CACHD1: variants seen among roughly 807,000 people sequenced by gnomAD.
CACHD1 encodes VWFA and cache domain-containing protein 1.
A neutral mutation model predicts 138.7 loss-of-function variants in CACHD1; 71 were observed. The observed-to-expected ratio is 0.51, with a 90% CI of 0.42 to 0.62. The LOEUF (loss-of-function observed/expected upper bound fraction) is 0.62, where lower values mean the gene tolerates loss of function less well. Ranked by LOEUF, CACHD1 falls within the 20% of genes least tolerant of loss-of-function variation. The probability of loss-of-function intolerance (pLI) is 0.00; values close to 1 mark genes in which losing one functional copy is unlikely to be tolerated. For missense variants in CACHD1, 1,389 were observed against 1,625.3 expected (o/e 0.85, Z 2.50); for synonymous variants, 578 against 591.5 (o/e 0.98, Z 0.33).
intron 16 of CACHD1, among the ~76,000 whole-genome samples, chr1:64,669,114 A>C (rs1356702493): frequency 1.3e-5 from 2 of 152,194 alleles, no homozygotes; most frequent in African/African-American, 4.8e-5. Flanking sequence ...AGTCTCCTAG[A>C]ACAGTGCCTG....
intron 15 of CACHD1, among the ~76,000 whole-genome samples, chr1:64,665,410 A>G (rs1050495985): frequency 2.6e-5 from 4 of 152,106 alleles, no homozygotes; most frequent in Non-Finnish European, 4.4e-5. Context: ...CAGTGAGCCA[A>G]GATCACACCA....
At position 64,528,225 on chromosome 1, in the gene CACHD1, A is replaced by T. The variant is rs1002488301; in HGVS notation, c.199-22369A>T. Among the ~76,000 whole-genome samples the T allele has an allele frequency of 5.3e-5, 8 of 152,346 alleles. No individual in the cohort carries two copies. In the East Asian group the frequency reaches 1.5e-3, roughly 29 times the overall value. On this transcript the variant is annotated intron_variant, in intron 1 of 26. Coordinates refer to ENST00000651257, the MANE Select transcript of CACHD1 (RefSeq NM_020925.4). ...CTTTTTCTTTACTGTTTCTGAAAGG[A>T]GGTCCAGCTAATTTACTGCAAATGA...
rs1453614130 is a variant in CACHD1, at chr1:64,503,534, T to TGCTA, written c.198+32594_198+32597dup. Among the ~76,000 whole-genome samples the TGCTA allele has an allele frequency of 9.2e-5, 14 of 152,356 alleles. No homozygotes were observed. The South Asian group carries it at 1.7e-3, about 18-fold the overall frequency. ...CTTACATGTGAATAAAGAGAGTACT[T>TGCTA]GCTAGACTACTTTTTCGGTCAACAT... is the stretch of plus-strand genomic sequence containing the variant. On this transcript the variant is annotated intron_variant, in intron 1 of 26. Coordinates refer to ENST00000651257, the MANE Select transcript of CACHD1 (RefSeq NM_020925.4).
chr1:64,663,612 T>C, intron 13 of CACHD1, 83 bp from the exon 14 acceptor site: 1 of 1,531,986 alleles, frequency 6.5e-7, no homozygotes, highest in South Asian at 1.2e-5. Context: ...GCTGACAGAT[T>C]GGCAGAGCCC....
chr1:64,597,528 T>TG, intron 3 of CACHD1, among the ~76,000 whole-genome samples: 1 of 142,648 alleles, frequency 7.0e-6, no homozygotes, highest in African/African-American at 2.6e-5. Flanking sequence ...TTTGTTGTTT[T>TG]TTTTTTTTTT....
chr1:64,498,875 A>G (rs305565), intron 1 of CACHD1, among the ~76,000 whole-genome samples: 12,670 of 152,298 alleles, frequency 0.083, 601 homozygotes, highest in East Asian at 0.16. Flanking sequence ...TCGTGTGCTT[A>G]AAGTACATTG....
At chr1:64,567,411 C>G (rs1294681776) in intron 2 of CACHD1, among the ~76,000 whole-genome samples, 1 of 152,004 alleles carries the variant, frequency 6.6e-6, no homozygotes, top group African/African-American at 2.4e-5. Context: ...AATTAGTACA[C>G]ATATAAATCG....
rs183818654 is a variant in CACHD1 at position 64,543,953 on chromosome 1, A to G, written c.199-6641A>G. On this transcript the variant is annotated intron_variant, in intron 1 of 26. Coordinates refer to ENST00000651257, the MANE Select transcript of CACHD1 (RefSeq NM_020925.4). ...ACCGGCCTCGGCCTCCCAAAGGGCT[A>G]GGATTACAGGCATGAGTCACCACAC... Among the ~76,000 whole-genome samples the G allele has an allele frequency of 2.2e-5, 3 of 136,840 alleles. No individual in the cohort carries two copies. In the Admixed American group the frequency reaches 2.6e-4, roughly 12 times the overall value. The allele number at this position is 136,840 out of a possible 152,430, so 89.8% of individuals were successfully genotyped here.
intron 3 of CACHD1, among the ~76,000 whole-genome samples, chr1:64,589,972 C>T (rs965322096): frequency 2.7e-4 from 41 of 152,056 alleles, no homozygotes; most frequent in African/African-American, 9.7e-4. Context: ...TAAACTCTCA[C>T]AGAACTTTCT....
intron 20 of CACHD1, 36 bp from the exon 21 acceptor site, chr1:64,675,861 G>A: frequency 7.5e-7 from 1 of 1,340,984 alleles, no homozygotes; most frequent in South Asian, 1.4e-5. Flanking sequence ...GTTTGCCATT[G>A]ACCTTCTGCA....
At chr1:64,521,910 A>T (rs1167957343) in intron 1 of CACHD1, among the ~76,000 whole-genome samples, 2 of 152,174 alleles carry the variant, frequency 1.3e-5, no homozygotes, top group Admixed American at 1.3e-4. Context: ...CTCCCATTCT[A>T]TGGGTCATCT....
chr1:64,517,394 G>A (rs1570323211), intron 1 of CACHD1, among the ~76,000 whole-genome samples: 2 of 152,154 alleles, frequency 1.3e-5, no homozygotes, highest in Admixed American at 6.6e-5. Context: ...AGAATGGCTA[G>A]TACTATTCAA....
At chr1:64,582,418 C>T (rs1647020505) in intron 3 of CACHD1, 114 bp downstream of exon 3, 1 of 947,788 alleles carries the variant, frequency 1.1e-6, no homozygotes, top group South Asian at 1.8e-5. Context: ...TAGCTTGTTT[C>T]CCACTATTTA....
At position 64,597,268 on chromosome 1, in the gene CACHD1, A is replaced by C. The variant is rs149753315; in HGVS notation, c.411-5538A>C. On this transcript the variant is annotated intron_variant, in intron 3 of 26. Transcript: ENST00000651257. ...TTTATTTTATCTTCTACATTTGCTGATCTCCTGCTTGTAAATCCTGTTGAA... is the reference window on the plus strand; with the variant it reads ...TTTATTTTATCTTCTACATTTGCTGCTCTCCTGCTTGTAAATCCTGTTGAA... 3.3e-5 allele frequency among the ~76,000 whole-genome samples: 5 copies of C among 152,156 alleles called. No homozygotes were observed. The East Asian group carries it at 9.7e-4, about 30-fold the overall frequency.
chr1:64,597,561 G>A (rs558817384), intron 3 of CACHD1, among the ~76,000 whole-genome samples: 2 of 145,648 alleles, frequency 1.4e-5, no homozygotes, highest in East Asian at 2.0e-4. Flanking sequence ...AACTTACAGG[G>A]GTTGGAGAGA....
At chr1:64,482,264 C>T (rs1056758394) in intron 1 of CACHD1, among the ~76,000 whole-genome samples, 1 of 151,892 alleles carries the variant, frequency 6.6e-6, no homozygotes, top group Non-Finnish European at 1.5e-5. Flanking sequence ...TTTTTCCCCA[C>T]TTGGATTACT....
In CACHD1 at chr1:64,632,710, G is replaced by A; in HGVS notation, c.756G>A (p.Gln252=). ...TQLQIAKDAA[Q]VILSAIDEHD... is the part of the protein sequence containing the mutation. ...TTCAGATTGCCAAGGACGCTGCTCA[G>A]GTCATCCTCAGCGCCATCGATGAAC... The change falls in exon 6 of 27, where the codon CAG becomes CAA. Residue 252 remains glutamine, a synonymous_variant. Transcript: ENST00000651257. The A allele has an allele frequency of 6.2e-7, 1 of 1,614,138 alleles. No homozygotes were observed. Among genetic ancestry groups the A allele is most frequent in the South Asian group, 1.1e-5 (1 of 91,082 alleles).
intron 2 of CACHD1, among the ~76,000 whole-genome samples, chr1:64,566,484 C>CCA (rs1646882310): frequency 7.0e-6 from 1 of 141,888 alleles, no homozygotes; most frequent in Non-Finnish European, 1.6e-5. Flanking sequence ...TCAATTCCCC[C>CCA]CCCCCCACAA....
Position 64,678,168 on chromosome 1 carries a change from T to C in CACHD1, c.3102T>C (p.Phe1034=). 6.2e-7 allele frequency: 1 copy of C among 1,611,476 alleles called. No homozygotes were observed. Among genetic ancestry groups the C allele is most frequent in the Non-Finnish European group, 8.5e-7 (1 of 1,179,002 alleles). Residue 1034 remains phenylalanine (F), a synonymous_variant, in exon 23 of 27, where the codon TTT becomes TTC. Coordinates refer to ENST00000651257, the MANE Select transcript of CACHD1 (RefSeq NM_020925.4). ...ATTGTTTTTCTGGCAGGGACTGTTT[T>C]GGGGTGCTGGATTGTGAATGGTGCA... is the stretch of plus-strand genomic sequence containing the variant. The part of the protein sequence containing the change: ...CSQRLESGDC[F]GVLDCEWCMV...
Sources: allele counts gnomAD v4.1 joint callset (sites outside exome capture counted in the v4.1 genomes callset), GRCh38; gene constraint gnomAD v4.1.1; transcripts MANE v1.5; gene names NCBI Gene and HGNC (gene_info 2026-07-23, HGNC 2026-07-21).